The following CDC42BPA variants were observed in gnomAD, a reference collection of about 807,000 sequenced individuals.
CDC42BPA encodes the protein serine/threonine-protein kinase MRCK alpha.
Under a neutral mutation model 223.5 loss-of-function variants are expected in CDC42BPA, and 80 were observed. The ratio of observed to expected loss-of-function variants is 0.36; its 90% confidence interval spans 0.30 to 0.43. The LOEUF is 0.43. Among genes scored for constraint, CDC42BPA ranks in the 20% least tolerant of loss-of-function variants. CDC42BPA has a pLI of 1.00. For synonymous variants in CDC42BPA, 694 were observed against 718.6 expected, an observed-to-expected ratio of 0.97 and a Z score of 0.55; for missense variants, 1,743 against 2,099.9, an observed-to-expected ratio of 0.83 and a Z score of 3.32.
chr1:227,195,198 T>C (rs1188931091), intron 4 of CDC42BPA, among the ~76,000 whole-genome samples: 1 of 152,018 alleles, frequency 6.6e-6, no homozygotes, highest in African/African-American at 2.4e-5. Flanking sequence ...ACGTTTTTGT[T>C]TGTTTGTTTG....
chr1:227,011,027 C>A, intron 34 of CDC42BPA: 1 of 1,357,184 alleles, frequency 7.4e-7, no homozygotes, highest in South Asian at 1.2e-5. Context: ...GAGATCAGAC[C>A]GGAGTGATGA....
intron 22 of CDC42BPA, among the ~76,000 whole-genome samples, chr1:227,049,666 A>G (rs73089770): frequency 0.15 from 23,500 of 152,188 alleles, 2,201 homozygotes; most frequent in African/African-American, 0.25. Context: ...AAGTAATTGT[A>G]ATTAAGACAA....
chr1:227,159,291 A>G (rs10916098), intron 6 of CDC42BPA, among the ~76,000 whole-genome samples: 25,872 of 152,120 alleles, frequency 0.17, 2,246 homozygotes, highest in Middle Eastern at 0.2. Flanking sequence ...GTTTGAGACC[A>G]GCCTGACCAA....
chr1:227,113,865 A>G (rs1317929188), intron 12 of CDC42BPA, among the ~76,000 whole-genome samples: 2 of 102,854 alleles, frequency 1.9e-5, no homozygotes, highest in Non-Finnish European at 4.2e-5. Context: ...ATAACAATGT[A>G]AAAAAAAAAA....
At chr1:227,002,950 T>C (rs1321325120) in intron 35 of CDC42BPA, among the ~76,000 whole-genome samples, 2 of 152,186 alleles carry the variant, frequency 1.3e-5, no homozygotes, top group Admixed American at 6.5e-5. Context: ...ATAATAAATG[T>C]TTGCTATTTT....
At chr1:227,054,019 T>C (rs1254813361) in intron 21 of CDC42BPA, among the ~76,000 whole-genome samples, 1 of 152,182 alleles carries the variant, frequency 6.6e-6, no homozygotes, top group Non-Finnish European at 1.5e-5. Context: ...CAGTAAGAAC[T>C]TAAAACTGAC....
At position 227,317,593 on chromosome 1, in the gene CDC42BPA, T is replaced by C; in HGVS notation, c.-411A>G. 1 of 397,308 alleles carries C rather than the reference T, an allele frequency of 2.5e-6. No individual in the cohort carries two copies. Among genetic ancestry groups the C allele is most frequent in the East Asian group, 3.6e-5 (1 of 28,058 alleles). 24.6% of individuals were successfully genotyped at this position (397,308 alleles called of 1,614,324 possible). On this transcript the variant is annotated 5_prime_UTR_variant, in exon 1 of 37. It removes an upstream start codon present in the reference 5' UTR. Coordinates refer to ENST00000366766, the MANE Select transcript of CDC42BPA (RefSeq NM_001394014.1). The stretch of plus-strand genomic sequence containing the variant: ...TCCTGAAACGAATCCGGTTGCATCA[T>C]TAATGAATAAAGTCCGATTTGCATC...
At chr1:227,056,387 CTTTTCT>C (rs1674558434) in intron 21 of CDC42BPA, among the ~76,000 whole-genome samples, 1 of 136,390 alleles carries the variant, frequency 7.3e-6, no homozygotes, top group Non-Finnish European at 1.6e-5. Flanking sequence ...CTTTTCTTTT[CTTTTCT>C]TTTTTTTTTT....
At chr1:227,076,439 T>C (rs1679498127) in intron 17 of CDC42BPA, among the ~76,000 whole-genome samples, 1 of 152,152 alleles carries the variant, frequency 6.6e-6, no homozygotes, top group African/African-American at 2.4e-5. Context: ...GTATTTTTAG[T>C]AGAGATGAGG....
chr1:227,092,393 A>T (rs1172750963), intron 15 of CDC42BPA, among the ~76,000 whole-genome samples: 1 of 152,200 alleles, frequency 6.6e-6, no homozygotes, highest in Non-Finnish European at 1.5e-5. Context: ...TATTTGGGAG[A>T]GGGTGGCTAC....
intron 23 of CDC42BPA, among the ~76,000 whole-genome samples, chr1:227,041,598 C>G (rs1238699302): frequency 6.6e-6 from 1 of 151,978 alleles, no homozygotes; most frequent in African/African-American, 2.4e-5. Flanking sequence ...ATGATTTGTA[C>G]ACTACAAAAG....
At chr1:227,112,634 A>G in intron 13 of CDC42BPA, 37 bp downstream of exon 13, 1 of 1,589,484 alleles carries the variant, frequency 6.3e-7, no homozygotes. Context: ...TTTAATCACT[A>G]TCCCATGGGC....
At chr1:227,288,446 C>T (rs1372485626) in intron 1 of CDC42BPA, among the ~76,000 whole-genome samples, 1 of 152,050 alleles carries the variant, frequency 6.6e-6, no homozygotes, top group Non-Finnish European at 1.5e-5. Context: ...TGCCTGTAAA[C>T]CTAGAACTTT....
chr1:227,223,358 A>AG (rs1676277911), intron 2 of CDC42BPA, among the ~76,000 whole-genome samples: 1 of 152,198 alleles, frequency 6.6e-6, no homozygotes, highest in Non-Finnish European at 1.5e-5. Flanking sequence ...ATGGTGCTGA[A>AG]GGGTCCAAAG....
chr1:227,095,004 T>C (rs545435862), intron 15 of CDC42BPA, among the ~76,000 whole-genome samples: 1 of 152,338 alleles, frequency 6.6e-6, no homozygotes, highest in Admixed American at 6.5e-5. Context: ...TGTCTTCAGA[T>C]GACAGTCTGC....
At chr1:227,121,894 A>G (rs949958877) in intron 11 of CDC42BPA, among the ~76,000 whole-genome samples, 8 of 148,402 alleles carry the variant, frequency 5.4e-5, no homozygotes, top group African/African-American at 2.0e-4. Flanking sequence ...TCCGCCTTCC[A>G]GGTTCAAGCA....
At chr1:227,279,797 T>A (rs1687717194) in intron 1 of CDC42BPA, among the ~76,000 whole-genome samples, 1 of 152,096 alleles carries the variant, frequency 6.6e-6, no homozygotes, top group South Asian at 2.1e-4. Flanking sequence ...TGGCTCACAC[T>A]TGTAATCCCA....
In CDC42BPA at chr1:227,073,866, T is replaced by C. The variant is rs757589759; in HGVS notation, c.2733A>G (p.Glu911=). ...GGGACTATATGATTCAATCTTACCA[T>C]TCTGTTATGATATTAGATGCTTTAA... ...NKVKASNIIT[E]CKLKDSEKKN... is the part of the protein sequence containing the mutation. Residue 911 remains glutamate, a splice_region_variant and synonymous_variant, in exon 19 of 37, where the codon GAA becomes GAG. Coordinates refer to ENST00000366766, the MANE Select transcript of CDC42BPA (RefSeq NM_001394014.1). 1.2e-5 allele frequency: 19 copies of C among 1,576,008 alleles called. No individual in the cohort carries two copies. The highest frequency in any genetic ancestry group is 1.5e-5 in the Non-Finnish European group (18 of 1,164,340).
chr1:227,274,878 T>C (rs1005344872), intron 1 of CDC42BPA, among the ~76,000 whole-genome samples: 1 of 152,178 alleles, frequency 6.6e-6, no homozygotes, highest in African/African-American at 2.4e-5. Context: ...ACAGAAATTC[T>C]ACACTTTATA....
Sources: gnomAD v4.1 joint callset for allele counts (sites outside exome capture counted in the v4.1 genomes callset) on GRCh38, gnomAD v4.1.1 for gene constraint, MANE v1.5 for transcripts, NCBI Gene and HGNC (gene_info 2026-07-23, HGNC 2026-07-21) for gene names.